Variants in SRGAP2C observed in about 807,000 individuals in gnomAD.
The protein encoded by SRGAP2C is SLIT-ROBO Rho GTPase activating protein 2C.
Under a neutral mutation model 25.1 loss-of-function variants are expected in SRGAP2C, and 15 were observed. That is an observed-to-expected ratio of 0.60 (90% CI 0.40 to 0.92). The LOEUF is 0.92. Ranked by LOEUF, SRGAP2C falls within the 40% of genes least tolerant of loss-of-function variation. The pLI is 0.00. For missense variants in SRGAP2C, 144 were observed against 264.4 expected, an observed-to-expected ratio of 0.54 and a Z score of 3.16; for synonymous variants, 44 against 96.6, an observed-to-expected ratio of 0.46 and a Z score of 3.19.
intron 4 of SRGAP2C, among the ~76,000 whole-genome samples, chr1:121,335,379 TAAATAAATAAAA>T (rs1658490183): frequency 1.4e-5 from 2 of 141,794 alleles, no homozygotes; most frequent in Non-Finnish European, 3.0e-5. Flanking sequence ...AATAAATAAA[TAAATAAATAAAA>T]CAACCAATTC....
chr1:121,356,729 C>G (rs1212580847), intron 4 of SRGAP2C, among the ~76,000 whole-genome samples: 2 of 151,978 alleles, frequency 1.3e-5, no homozygotes, highest in Non-Finnish European at 2.9e-5. Flanking sequence ...GACATTACGC[C>G]CCCACCCAAA....
At position 121,228,861 on chromosome 1, in the gene SRGAP2C, G is replaced by T. The variant is rs1343902129; in HGVS notation, c.67+41348G>T. ...TTTGTCATGTTATGTGGGCATATTTGGTTGCCCAACTCTGAAGCCAAATGA... is the reference window on the plus strand; with the variant it reads ...TTTGTCATGTTATGTGGGCATATTTTGTTGCCCAACTCTGAAGCCAAATGA... On this transcript the variant is annotated intron_variant, in intron 2 of 9. Coordinates refer to ENST00000367123, the MANE Select transcript of SRGAP2C (RefSeq NM_001329984.2). Among the ~76,000 whole-genome samples the T allele has an allele frequency of 1.3e-4, 20 of 151,100 alleles. No individual in the cohort carries two copies. In the East Asian group the frequency reaches 3.1e-3, roughly 24 times the overall value.
intron 2 of SRGAP2C, among the ~76,000 whole-genome samples, chr1:121,190,045 G>C (rs1411267781): frequency 6.6e-6 from 1 of 151,182 alleles, no homozygotes; most frequent in Non-Finnish European, 1.5e-5. Context: ...ATACAGCTGT[G>C]AAGAAGAAAA....
intron 3 of SRGAP2C, among the ~76,000 whole-genome samples, chr1:121,303,725 T>C: frequency 6.6e-6 from 1 of 151,420 alleles, no homozygotes; most frequent in Non-Finnish European, 1.5e-5. Flanking sequence ...TCTGTCTGTA[T>C]ATTTATATAT....
Position 121,360,582 on chromosome 1 carries a change from C to T in SRGAP2C, c.424-4711C>T, listed in dbSNP as rs1405922950. 2.5e-3 allele frequency: 68 copies of T among 27,136 alleles called. 1 individual carries two copies. Among genetic ancestry groups the T allele is most frequent in the African/African-American group, 9.0e-3 (59 of 6,544 alleles). The allele number at this position is 27,136 out of a possible 1,614,324, so 1.7% of individuals were successfully genotyped here. A position where few individuals can be genotyped will look rare whatever the true frequency, so the allele number is the denominator to read the frequency against. On this transcript the variant is annotated intron_variant, in intron 4 of 9. Transcript: ENST00000367123. Reference sequence around the variant, plus strand: ...CACACTGTACCACCTATTTTGGTGGCCCAAGTTAGCTGAGAGAGAGGACCA... The same window carrying T: ...CACACTGTACCACCTATTTTGGTGGTCCAAGTTAGCTGAGAGAGAGGACCA...
At chr1:121,356,721 C>T (rs1172417364) in intron 4 of SRGAP2C, among the ~76,000 whole-genome samples, 4 of 152,030 alleles carry the variant, frequency 2.6e-5, no homozygotes, top group South Asian at 4.1e-4. Flanking sequence ...GGCCTGAAGA[C>T]ATTACGCCCC....
intron 2 of SRGAP2C, among the ~76,000 whole-genome samples, chr1:121,238,807 G>T (rs1192351582): frequency 1.4e-5 from 2 of 142,128 alleles, no homozygotes; most frequent in Non-Finnish European, 3.1e-5. Context: ...TTGAGATGGG[G>T]TCTCACTCTT....
chr1:121,314,290 C>A (rs1658041516), intron 3 of SRGAP2C, among the ~76,000 whole-genome samples: 1 of 147,078 alleles, frequency 6.8e-6, no homozygotes, highest in African/African-American at 2.5e-5. Context: ...CTCCTTTAAG[C>A]ACTTCTCTGT....
chr1:121,250,083 TAAAAAGGGGAG>T (rs1490884851), intron 2 of SRGAP2C, among the ~76,000 whole-genome samples: 1 of 25,606 alleles, frequency 3.9e-5, no homozygotes, highest in Non-Finnish European at 6.9e-5. Flanking sequence ...GGAAGGCAGA[TAAAAAGGGGAG>T]AATAGAATCA....
chr1:121,391,144 A>AG lies in SRGAP2C; in HGVS notation c.*3291dup, dbSNP rs1660068170. ...GAGGCCGAGGCGGGTGGATCACCTGAGGTCGGGAGTTTGAGACCAGCCTGA... is the reference window on the plus strand; with the variant it reads ...GAGGCCGAGGCGGGTGGATCACCTGAGGGTCGGGAGTTTGAGACCAGCCTGA... On this transcript the variant is annotated 3_prime_UTR_variant, in exon 10 of 10. Transcript: ENST00000367123. The AG allele has an allele frequency of 6.6e-6, 1 of 152,032 alleles. No individual in the cohort carries two copies. Among genetic ancestry groups the AG allele is most frequent in the Admixed American group, 6.6e-5 (1 of 15,262 alleles). 9.4% of individuals were successfully genotyped at this position (152,032 alleles called of 1,614,324 possible).
At chr1:121,370,859 T>G (rs1401504393) in intron 5 of SRGAP2C, among the ~76,000 whole-genome samples, 2 of 150,034 alleles carry the variant, frequency 1.3e-5, no homozygotes, top group African/African-American at 4.9e-5. Context: ...CTCACTCTAG[T>G]TTTGGTTTAG....
At chr1:121,308,303 A>C (rs1340031834) in intron 3 of SRGAP2C, among the ~76,000 whole-genome samples, 1 of 147,914 alleles carries the variant, frequency 6.8e-6, no homozygotes, top group African/African-American at 2.5e-5. Context: ...CTTGGTCTAG[A>C]CTCTAGACCA....
intron 3 of SRGAP2C, among the ~76,000 whole-genome samples, chr1:121,296,023 A>C (rs1195853114): frequency 4.0e-5 from 6 of 151,510 alleles, no homozygotes; most frequent in Admixed American, 3.9e-4. Flanking sequence ...GGCCTCCCAA[A>C]GTGCTGGGAT....
intron 3 of SRGAP2C, among the ~76,000 whole-genome samples, chr1:121,313,676 C>T (rs1415423688): frequency 1.0e-4 from 9 of 87,770 alleles, no homozygotes; most frequent in Non-Finnish European, 2.0e-4. Flanking sequence ...ATTTCTCCTT[C>T]TCTTATGAAG....
chr1:121,381,823 G>A (rs1388193613), intron 7 of SRGAP2C, among the ~76,000 whole-genome samples: 2 of 151,752 alleles, frequency 1.3e-5, no homozygotes, highest in Non-Finnish European at 2.9e-5. Flanking sequence ...TTCAGTGCCA[G>A]CTCTGGTCTA....
intron 7 of SRGAP2C, among the ~76,000 whole-genome samples, chr1:121,380,634 G>A (rs1251354982): frequency 6.8e-6 from 1 of 146,742 alleles, no homozygotes. Context: ...AATGTAGAAT[G>A]TATATAAAGC....
At chr1:121,306,655 CCTT>C (rs1657848649) in intron 3 of SRGAP2C, among the ~76,000 whole-genome samples, 1 of 149,592 alleles carries the variant, frequency 6.7e-6, no homozygotes, top group African/African-American at 2.5e-5. Flanking sequence ...CTCCCTCCCT[CCTT>C]CTCTGCTTTA....
At chr1:121,355,633 CG>C (rs1176985803) in intron 4 of SRGAP2C, among the ~76,000 whole-genome samples, 4 of 134,718 alleles carry the variant, frequency 3.0e-5, no homozygotes, top group Admixed American at 2.3e-4. Flanking sequence ...TTCAAGTGTA[CG>C]TGGAACATTT....
At chr1:121,267,821 A>T (rs1453408741) in intron 2 of SRGAP2C, among the ~76,000 whole-genome samples, 5 of 144,704 alleles carry the variant, frequency 3.5e-5, no homozygotes, top group African/African-American at 1.0e-4. Context: ...TAGATAATGC[A>T]TCTCTCCTTT....
Sources: allele counts gnomAD v4.1 joint callset (sites outside exome capture counted in the v4.1 genomes callset), GRCh38; gene constraint gnomAD v4.1.1; transcripts MANE v1.5; gene names NCBI Gene and HGNC (gene_info 2026-07-23, HGNC 2026-07-21).